DRC7: variants seen among roughly 807,000 people sequenced by gnomAD.
DRC7 encodes dynein regulatory complex subunit 7, also known as coiled-coil domain containing 135.
Under a neutral mutation model 104.4 loss-of-function variants are expected in DRC7, and 80 were observed. That is an observed-to-expected ratio of 0.77 (90% CI 0.64 to 0.92). The LOEUF (loss-of-function observed/expected upper bound fraction) is 0.92, where lower values mean the gene tolerates loss of function less well. Ranked by LOEUF, DRC7 falls within the 40% of genes least tolerant of loss-of-function variation. The pLI is 0.00. For missense variants in DRC7, 1,034 were observed against 1,141.1 expected (o/e 0.91, Z 1.35); for synonymous variants, 405 against 447.3 (o/e 0.91, Z 1.19).
At chr16:57,725,257 C>G (rs1323069818) in intron 13 of DRC7, among the ~76,000 whole-genome samples, 1 of 152,092 alleles carries the variant, frequency 6.6e-6, no homozygotes, top group African/African-American at 2.4e-5. Context: ...ACCATCAGAT[C>G]GTGGGAGAAC....
intron 1 of DRC7, among the ~76,000 whole-genome samples, chr16:57,696,022 G>T (rs1191646683): frequency 2.0e-5 from 3 of 152,222 alleles, no homozygotes; most frequent in Admixed American, 6.5e-5. Context: ...AAATCAAGGG[G>T]ATTCTGCTTT....
chr16:57,711,368 T>A (rs776364040), intron 8 of DRC7, among the ~76,000 whole-genome samples: 1 of 152,230 alleles, frequency 6.6e-6, no homozygotes, highest in Non-Finnish European at 1.5e-5. Context: ...TGGTTAGAGG[T>A]TTATCAATTT....
rs1316875654 is a variant in DRC7 at position 57,718,427 on chromosome 16, T to C, written c.1158T>C (p.Thr386=). 3 of 1,614,126 alleles carry C rather than the reference T, an allele frequency of 1.9e-6. No homozygotes were observed. Among genetic ancestry groups the C allele is most frequent in the South Asian group, 2.2e-5 (2 of 91,088 alleles). Residue 386 remains threonine (T), a synonymous_variant, in exon 9 of 19, where the codon ACT becomes ACC. Transcript: ENST00000360716. ...CTGATAAGTCTCAGCTGTCCTTGAC[T>C]GAAGAAGACGACAGTGGGATAAACG... The part of the protein sequence containing the change: ...LGTDKSQLSL[T]EEDDSGINDE...
intron 8 of DRC7, among the ~76,000 whole-genome samples, chr16:57,716,684 A>C (rs1237796521): frequency 1.3e-5 from 2 of 151,968 alleles, no homozygotes; most frequent in Admixed American, 1.3e-4. Context: ...AGAAATACTC[A>C]GGAGCCCTCC....
chr16:57,702,762 A>G (rs1186753002), intron 6 of DRC7, among the ~76,000 whole-genome samples: 2 of 152,202 alleles, frequency 1.3e-5, no homozygotes, highest in Non-Finnish European at 2.9e-5. Flanking sequence ...AGATTGCGCC[A>G]TTGCACTCCA....
At chr16:57,730,011 T>C (rs1441390427) in intron 17 of DRC7, among the ~76,000 whole-genome samples, 1 of 126,266 alleles carries the variant, frequency 7.9e-6, no homozygotes, top group African/African-American at 3.1e-5. Context: ...AGTGGATAGA[T>C]GGACAGTTGG....
rs777486754 is a variant in DRC7, at chr16:57,699,063, G to A, written c.378+39G>A. ...GTTGAGGGCAGGGCTGGGGAGCCTGGGGCTGGAGAGCAGAGGGCACAGGGA... is the reference window on the plus strand; with the variant it reads ...GTTGAGGGCAGGGCTGGGGAGCCTGAGGCTGGAGAGCAGAGGGCACAGGGA... On this transcript the variant is annotated intron_variant, in intron 4 of 18. Coordinates refer to ENST00000360716, the MANE Select transcript of DRC7 (RefSeq NM_001289162.2). 3.1e-6 allele frequency: 5 copies of A among 1,602,384 alleles called. No homozygotes were observed. In the South Asian group the frequency reaches 5.5e-5, roughly 18 times the overall value.
intron 8 of DRC7, among the ~76,000 whole-genome samples, chr16:57,708,655 C>T (rs2048759440): frequency 6.6e-6 from 1 of 152,130 alleles, no homozygotes; most frequent in South Asian, 2.1e-4. Flanking sequence ...TGGGCACATA[C>T]TCAGTTTTAG....
Position 57,726,456 on chromosome 16 carries a change from A to G in DRC7, c.1974+173A>G. 2 of 625,528 alleles carry G rather than the reference A, an allele frequency of 3.2e-6. 1 individual carries two copies. 38.7% of individuals were successfully genotyped at this position (625,528 alleles called of 1,614,324 possible). ...TCCCATCTGGGGACCCTTCTCTTTGAGCTCCTCTGAAAATCTTCCTTTTCC... is the reference window on the plus strand; with the variant it reads ...TCCCATCTGGGGACCCTTCTCTTTGGGCTCCTCTGAAAATCTTCCTTTTCC... On this transcript the variant is annotated intron_variant, in intron 14 of 18. Coordinates refer to ENST00000360716, the MANE Select transcript of DRC7 (RefSeq NM_001289162.2).
Position 57,731,522 on chromosome 16 carries a change from A to C in DRC7, c.*264A>C. 2.0e-6 allele frequency: 1 copy of C among 512,266 alleles called. No homozygotes were observed. The allele number at this position is 512,266 out of a possible 1,614,324, so 31.7% of individuals were successfully genotyped here. Reference sequence around the variant, plus strand: ...CTTCTTCTGTTATCTATAGCCTGGGACCACCCCCTTCCTCCCCTTGGCCTG... The same window carrying C: ...CTTCTTCTGTTATCTATAGCCTGGGCCCACCCCCTTCCTCCCCTTGGCCTG... On this transcript the variant is annotated 3_prime_UTR_variant, in exon 19 of 19. Transcript: ENST00000360716.
chr16:57,724,057 G>A (rs1252120602), intron 12 of DRC7, among the ~76,000 whole-genome samples: 4 of 151,966 alleles, frequency 2.6e-5, no homozygotes, highest in South Asian at 2.1e-4. Context: ...GCACAGTGGC[G>A]CACACCTATA....
In DRC7 at chr16:57,702,273, C is replaced by T. The variant is rs371011732; in HGVS notation, c.699+143C>T. On this transcript the variant is annotated intron_variant, in intron 6 of 18. Transcript: ENST00000360716. ...ACAGATCCCTCACCACCAGCCCTTCCGCTGCCCTGGAGTTCATATTTCAAA... is the reference window on the plus strand; with the variant it reads ...ACAGATCCCTCACCACCAGCCCTTCTGCTGCCCTGGAGTTCATATTTCAAA... 87 of 750,216 alleles carry T rather than the reference C, an allele frequency of 1.2e-4. No homozygotes were observed. In the East Asian group the frequency reaches 1.6e-3, roughly 13 times the overall value. The allele number at this position is 750,216 out of a possible 1,614,324, so 46.5% of individuals were successfully genotyped here. A position where few individuals can be genotyped will look rare whatever the true frequency, so the allele number is the denominator to read the frequency against.
intron 2 of DRC7, 69 bp downstream of exon 2, chr16:57,696,663 G>A (rs2048595682): frequency 6.6e-6 from 1 of 152,282 alleles, no homozygotes; most frequent in South Asian, 2.1e-4. Context: ...GTGAGCACAT[G>A]TGGCGTCTCT....
intron 7 of DRC7, among the ~76,000 whole-genome samples, chr16:57,706,533 C>T (rs1203234366): frequency 1.6e-5 from 2 of 127,374 alleles, no homozygotes; most frequent in East Asian, 2.9e-4. Context: ...CTCCCATCCA[C>T]CCATCCACCC....
At chr16:57,724,891 C>A in intron 13 of DRC7, 56 bp downstream of exon 13, 1 of 1,402,282 alleles carries the variant, frequency 7.1e-7, no homozygotes, top group African/African-American at 1.4e-5. Flanking sequence ...CAGCTGATGT[C>A]ACCTCTGAAT....
At position 57,731,700 on chromosome 16, in the gene DRC7, TG is replaced by T. The variant is rs1285524843; in HGVS notation, c.*443del. 1.1e-5 allele frequency: 2 copies of T among 174,486 alleles called. No homozygotes were observed. The highest frequency in any genetic ancestry group is 2.4e-5 in the Non-Finnish European group (2 of 82,220). 10.8% of individuals were successfully genotyped at this position (174,486 alleles called of 1,614,324 possible). ...GTGGGATGGGGAAGGCTAAGATGCA[TG>T]CCCCAGAATTTGAGGACTGAATCCC... On this transcript the variant is annotated 3_prime_UTR_variant, in exon 19 of 19. Coordinates refer to ENST00000360716, the MANE Select transcript of DRC7 (RefSeq NM_001289162.2).
chr16:57,697,849 T>A, intron 2 of DRC7, 64 bp from the exon 3 acceptor site: 1 of 1,511,588 alleles, frequency 6.6e-7, no homozygotes, highest in Admixed American at 2.1e-5. Flanking sequence ...GATGCCCAGA[T>A]GGTGTTGGTG....
chr16:57,703,588 G>A (rs1296128156), intron 6 of DRC7, among the ~76,000 whole-genome samples: 2 of 152,142 alleles, frequency 1.3e-5, no homozygotes, highest in Admixed American at 6.5e-5. Context: ...AGAAGGGGAA[G>A]CACAAGAAGA....
At position 57,698,069 on chromosome 16, in the gene DRC7, G is replaced by A. The variant is rs1221705234; in HGVS notation, c.120G>A (p.Glu40=). 17 of 1,614,148 alleles carry A rather than the reference G, an allele frequency of 1.1e-5. No individual in the cohort carries two copies. In the South Asian group the frequency reaches 1.6e-4, roughly 16 times the overall value. Residue 40 remains glutamate, a synonymous_variant, in exon 3 of 19, where the codon GAG becomes GAA. Transcript: ENST00000360716. The stretch of plus-strand genomic sequence containing the variant: ...TGAGGCCAGTTGAGGTGCGGAAGGA[G>A]GAAATCACCTTAAAGCAGGAGACGC... ...KMMRPVEVRK[E]EITLKQETLR... is the part of the protein sequence containing the mutation.
Sources: gnomAD v4.1 joint callset for allele counts (sites outside exome capture counted in the v4.1 genomes callset) on GRCh38, gnomAD v4.1.1 for gene constraint, MANE v1.5 for transcripts, NCBI Gene and HGNC (gene_info 2026-07-23, HGNC 2026-07-21) for gene names.